The following PCDHA10 variants were observed in gnomAD, a reference collection of about 807,000 sequenced individuals.
PCDHA10 encodes the protein protocadherin alpha-10.
A neutral mutation model predicts 61.2 loss-of-function variants in PCDHA10; 45 were observed. That is an observed-to-expected ratio of 0.74 (90% CI 0.58 to 0.94). The LOEUF is 0.94. Among genes scored for constraint, PCDHA10 ranks in the 40% least tolerant of loss-of-function variants. The pLI, the probability that PCDHA10 is intolerant of heterozygous loss-of-function variation, is 0.00. For missense variants in PCDHA10, 1,278 were observed against 1,236.2 expected (o/e 1.03, Z -0.51); for synonymous variants, 602 against 548.8 (o/e 1.10, Z -1.35).
At chr5:140,883,239 A>ACAAAGGAAATATTC in intron 1 of PCDHA10, 1 of 1,614,096 alleles carries the variant, frequency 6.2e-7, no homozygotes, top group Non-Finnish European at 8.5e-7. Context: ...GAGGCAGTTG[A>ACAAAGGAAATATTC]CAAAGGAAAT....
At chr5:140,991,691 A>G (rs2153897191) in intron 3 of PCDHA10, among the ~76,000 whole-genome samples, 1 of 152,286 alleles carries the variant, frequency 6.6e-6, no homozygotes, top group Middle Eastern at 3.4e-3. Flanking sequence ...TCTCTAGTAG[A>G]GCCATTAATA....
chr5:140,928,795 G>T, intron 1 of PCDHA10: 1 of 1,614,152 alleles, frequency 6.2e-7, no homozygotes, highest in South Asian at 1.1e-5. Flanking sequence ...GCAGAGGGTG[G>T]TGGTAGTGGT....
chr5:140,895,136 A>G (rs781801401), intron 1 of PCDHA10, among the ~76,000 whole-genome samples: 43 of 152,306 alleles, frequency 2.8e-4, no homozygotes, highest in Non-Finnish European at 5.6e-4. Context: ...ACAAGTTCAT[A>G]GGGCTAAGAC....
At chr5:140,992,319 T>C (rs1474763849) in intron 3 of PCDHA10, among the ~76,000 whole-genome samples, 1 of 152,174 alleles carries the variant, frequency 6.6e-6, no homozygotes, top group Admixed American at 6.6e-5. Context: ...GGGCATTCCC[T>C]TTTCTAAGAG....
At chr5:140,910,105 T>C (rs1021391817) in intron 1 of PCDHA10, among the ~76,000 whole-genome samples, 11 of 152,202 alleles carry the variant, frequency 7.2e-5, no homozygotes, top group African/African-American at 2.7e-4. Flanking sequence ...CCCCTTCATT[T>C]AAGGGATTCT....
chr5:140,857,102 A>G lies in PCDHA10; in HGVS notation c.1054A>G (p.Thr352Ala). ...TGATAATTCACCTGAGGTGATTGTC[A>G]CTTCTCTGTCTCTCCCAGTGAAAGA... ...ENDNSPEVIV[T>A]SLSLPVKEDA... The change falls in exon 1 of 4, where the codon ACT becomes GCT. Residue 352 changes from threonine (T) to alanine (A), a missense_variant. Thr to Ala is a moderately conservative substitution (Grantham distance 58). Transcript: ENST00000307360. The G allele has an allele frequency of 6.3e-7, 1 of 1,597,722 alleles. No individual in the cohort carries two copies. The highest frequency in any genetic ancestry group is 8.6e-7 in the Non-Finnish European group (1 of 1,167,292).
At position 140,856,721 on chromosome 5, in the gene PCDHA10, G is replaced by A. The variant is rs1043107454; in HGVS notation, c.673G>A (p.Val225Ile). 7 of 1,596,646 alleles carry A rather than the reference G, an allele frequency of 4.4e-6. No homozygotes were observed. Among genetic ancestry groups the A allele is most frequent in the South Asian group, 1.1e-5 (1 of 90,534 alleles). Reference sequence around the variant, plus strand: ...AGGCAAACCTGAATTTACCGGATCTGTTTCTCTGCTGATCCTGGTGTTAGA... The same window carrying A: ...AGGCAAACCTGAATTTACCGGATCTATTTCTCTGCTGATCCTGGTGTTAGA... ...DGGKPEFTGS[V>I]SLLILVLDAN... The change falls in exon 1 of 4, where the codon GTT becomes ATT. Residue 225 changes from valine (V) to isoleucine (I), a missense_variant. Coordinates refer to ENST00000307360, the MANE Select transcript of PCDHA10 (RefSeq NM_018901.4).
chr5:140,883,851 T>C, intron 1 of PCDHA10: 1 of 1,612,946 alleles, frequency 6.2e-7, no homozygotes, highest in African/African-American at 1.3e-5. Context: ...CACGAGGAGC[T>C]GGAGCTGTTG....
At chr5:140,914,166 G>A (rs183790385) in intron 1 of PCDHA10, among the ~76,000 whole-genome samples, 2 of 152,250 alleles carry the variant, frequency 1.3e-5, no homozygotes, top group African/African-American at 2.4e-5. Context: ...TACGGAAAGT[G>A]GGGTGTTGAA....
intron 3 of PCDHA10, among the ~76,000 whole-genome samples, chr5:141,007,395 C>CAA (rs35800918): frequency 2.8e-4 from 27 of 94,848 alleles, no homozygotes; most frequent in South Asian, 7.0e-4. Context: ...TACTAAAATA[C>CAA]AAAAAAAAAA....
At chr5:140,959,524 C>T (rs187530929) in intron 1 of PCDHA10, among the ~76,000 whole-genome samples, 1 of 152,024 alleles carries the variant, frequency 6.6e-6, no homozygotes. Context: ...ATCTTTAAGA[C>T]CATTAATTCA....
chr5:140,876,191 C>T (rs1313911800), intron 1 of PCDHA10: 3 of 1,613,760 alleles, frequency 1.9e-6, no homozygotes, highest in Non-Finnish European at 2.5e-6. Context: ...GACAATGGTC[C>T]GGCGTTTGAT....
intron 1 of PCDHA10, among the ~76,000 whole-genome samples, chr5:140,898,597 G>T (rs1452719602): frequency 6.6e-6 from 1 of 152,186 alleles, no homozygotes; most frequent in Non-Finnish European, 1.5e-5. Context: ...CTGTAGCCTT[G>T]TAGTATAGTT....
At chr5:140,884,295 C>G in intron 1 of PCDHA10, 1 of 1,613,680 alleles carries the variant, frequency 6.2e-7, no homozygotes, top group Non-Finnish European at 8.5e-7. Flanking sequence ...GGCCAAGCGC[C>G]ACAGGCTTCG....
chr5:140,993,177 C>A lies in PCDHA10; in HGVS notation c.2536+10614C>A, dbSNP rs551395516. ...CTAAATATTTGCCTTTGGGAAATTTCTTTAGAGGGAAACTCACTAAAGCTA... is the reference window on the plus strand; with the variant it reads ...CTAAATATTTGCCTTTGGGAAATTTATTTAGAGGGAAACTCACTAAAGCTA... On this transcript the variant is annotated intron_variant, in intron 3 of 3. Transcript: ENST00000307360. 6.6e-5 allele frequency among the ~76,000 whole-genome samples: 10 copies of A among 152,258 alleles called. No homozygotes were observed. In the East Asian group the frequency reaches 1.9e-3, roughly 29 times the overall value.
chr5:140,886,087 A>G (rs944362157), intron 1 of PCDHA10, among the ~76,000 whole-genome samples: 2 of 152,324 alleles, frequency 1.3e-5, no homozygotes, highest in Admixed American at 6.5e-5. Flanking sequence ...CAACCTGGAT[A>G]TTGACATTGA....
chr5:140,976,149 A>C (rs1397618914), intron 1 of PCDHA10, among the ~76,000 whole-genome samples: 1 of 152,182 alleles, frequency 6.6e-6, no homozygotes, highest in Non-Finnish European at 1.5e-5. Context: ...ACTCATGTAC[A>C]TTTTACTACT....
chr5:140,929,410 CACA>C (rs2153600762), intron 1 of PCDHA10: 2 of 1,505,808 alleles, frequency 1.3e-6, no homozygotes, highest in East Asian at 2.3e-5. Context: ...ACAAGCCTTT[CACA>C]ACATTTCATC....
intron 1 of PCDHA10, chr5:140,883,898 C>A (rs781898009): frequency 6.2e-7 from 1 of 1,613,344 alleles, no homozygotes; most frequent in South Asian, 1.1e-5. Flanking sequence ...TGGCGTGCCG[C>A]CTCTGGGCAG....
Sources: gnomAD v4.1 joint callset for allele counts (sites outside exome capture counted in the v4.1 genomes callset) on GRCh38, gnomAD v4.1.1 for gene constraint, MANE v1.5 for transcripts, NCBI Gene and HGNC (gene_info 2026-07-23, HGNC 2026-07-21) for gene names.